The following INTS7 variants were observed in gnomAD, a reference collection of about 807,000 sequenced individuals.
INTS7 encodes chromosome 1 open reading frame 73.
INTS7 carries 46 observed loss-of-function variants against 109.2 expected under a neutral mutation model. The observed-to-expected ratio is 0.42, with a 90% CI of 0.33 to 0.54. The LOEUF is 0.54. Ranked by LOEUF, INTS7 falls within the 20% of genes least tolerant of loss-of-function variation. The pLI is 0.07. For synonymous variants in INTS7, 412 were observed against 402.9 expected (o/e 1.02, Z -0.27); for missense variants, 929 against 1,132.4 (o/e 0.82, Z 2.58).
At chr1:212,031,881 A>C (rs1667181153) in intron 1 of INTS7, among the ~76,000 whole-genome samples, 1 of 152,228 alleles carries the variant, frequency 6.6e-6, no homozygotes, top group African/African-American at 2.4e-5. Context: ...AACAGTTATA[A>C]ATATATAACA....
At chr1:212,003,418 A>G (rs974878811) in intron 7 of INTS7, among the ~76,000 whole-genome samples, 3 of 152,140 alleles carry the variant, frequency 2.0e-5, no homozygotes, top group Admixed American at 2.0e-4. Flanking sequence ...TTCTATCCCA[A>G]GAAAGCATCT....
chr1:212,006,775 A>C lies in INTS7; in HGVS notation c.757-14T>G. ...CAGAAGCTGAATCTATAAAGGAAAT[A>C]AGTCACTCCATAAACAATACTGTAA... On this transcript the variant is annotated splice_polypyrimidine_tract_variant and intron_variant, in intron 6 of 19. Coordinates refer to ENST00000366994, the MANE Select transcript of INTS7 (RefSeq NM_015434.4). The C allele has an allele frequency of 6.3e-7, 1 of 1,591,310 alleles. No individual in the cohort carries two copies. Among genetic ancestry groups the C allele is most frequent in the Non-Finnish European group, 8.6e-7 (1 of 1,165,590 alleles).
At chr1:211,956,596 TCTA>T (rs1663372242) in intron 16 of INTS7, among the ~76,000 whole-genome samples, 1 of 152,228 alleles carries the variant, frequency 6.6e-6, no homozygotes, top group African/African-American at 2.4e-5. Flanking sequence ...CTATTTTATT[TCTA>T]CTATTAGTGA....
intron 16 of INTS7, among the ~76,000 whole-genome samples, chr1:211,954,269 G>T (rs886360831): frequency 4.6e-5 from 7 of 152,022 alleles, no homozygotes; most frequent in Admixed American, 2.6e-4. Context: ...TAAATTTGTT[G>T]GAGTTCATTG....
intron 13 of INTS7, among the ~76,000 whole-genome samples, chr1:211,971,100 G>A (rs747352812): frequency 6.6e-6 from 1 of 152,222 alleles, no homozygotes; most frequent in Non-Finnish European, 1.5e-5. Context: ...CTGCCCTAGA[G>A]AAGGGTGTTT....
At chr1:211,969,863 C>T (rs539243775) in intron 13 of INTS7, among the ~76,000 whole-genome samples, 4 of 151,934 alleles carry the variant, frequency 2.6e-5, no homozygotes, top group Admixed American at 1.3e-4. Context: ...GGACTACAGG[C>T]GCCTGCCACC....
chr1:212,029,875 G>A (rs982459415), intron 1 of INTS7, among the ~76,000 whole-genome samples: 2 of 152,100 alleles, frequency 1.3e-5, no homozygotes, highest in African/African-American at 4.8e-5. Flanking sequence ...AAAAATTGAT[G>A]GCAAAGCCCA....
chr1:212,007,504 C>G, intron 5 of INTS7, 55 bp from the exon 6 acceptor site: 1 of 1,406,192 alleles, frequency 7.1e-7, no homozygotes, highest in Non-Finnish European at 1.0e-6. Flanking sequence ...TAATAATATT[C>G]CAGATTTAAA....
At chr1:212,002,647 G>T (rs1410749490) in intron 7 of INTS7, among the ~76,000 whole-genome samples, 2 of 152,086 alleles carry the variant, frequency 1.3e-5, no homozygotes, top group Non-Finnish European at 2.9e-5. Context: ...CCCTTCTTTA[G>T]GTCTTTGCAC....
intron 7 of INTS7, among the ~76,000 whole-genome samples, chr1:212,003,131 G>C (rs1232723842): frequency 6.6e-6 from 1 of 152,058 alleles, no homozygotes; most frequent in African/African-American, 2.4e-5. Context: ...GAGAAAAAGA[G>C]ACAGCGGCAA....
chr1:211,969,282 C>CA (rs201346613), intron 13 of INTS7, among the ~76,000 whole-genome samples: 4,856 of 128,084 alleles, frequency 0.038, 127 homozygotes, highest in African/African-American at 0.078. Flanking sequence ...GAGACTGTCT[C>CA]AAAAAAAAAA....
At chr1:212,009,606 T>C (rs1187452620) in intron 5 of INTS7, among the ~76,000 whole-genome samples, 1 of 152,224 alleles carries the variant, frequency 6.6e-6, no homozygotes, top group Non-Finnish European at 1.5e-5. Context: ...CTTAGAGGTA[T>C]GGTAAAAGCT....
chr1:211,962,659 A>G (rs1022237308), intron 16 of INTS7, among the ~76,000 whole-genome samples: 5 of 152,222 alleles, frequency 3.3e-5, no homozygotes, highest in Middle Eastern at 6.3e-3. Context: ...AATGAAAAAG[A>G]ATGAAAATAA....
rs1376595345 is a variant in INTS7 at position 211,952,597 on chromosome 1, T to C, written c.2288A>G (p.Asn763Ser). The part of the protein sequence containing the change: ...NHVLEEVESL[N>S]RKYTPVSYMH... ...ATAAGAAACAGGGGTATATTTCCGA[T>C]TGAGTGATTCTACCTCCTCCAAGAC... Residue 763 changes from asparagine (N) to serine (S), a missense_variant, in exon 17 of 20, where the codon AAT becomes AGT. By Grantham distance (46) the Asn-to-Ser change is conservative. Around this residue, in one of 2 missense-constraint regions of INTS7, gnomAD observed 787 missense variants for 901.1 expected, o/e 0.87. Coordinates refer to ENST00000366994, the MANE Select transcript of INTS7 (RefSeq NM_015434.4). 3.7e-6 allele frequency: 6 copies of C among 1,613,176 alleles called. No individual in the cohort carries two copies. The highest frequency in any genetic ancestry group is 2.2e-5 in the East Asian group (1 of 44,798).
At chr1:211,989,127 A>G (rs1340019811) in intron 7 of INTS7, among the ~76,000 whole-genome samples, 2 of 152,234 alleles carry the variant, frequency 1.3e-5, no homozygotes, top group Non-Finnish European at 2.9e-5. Flanking sequence ...CATTTCAGAA[A>G]GGGTTAAAAT....
chr1:211,989,985 G>T (rs1332182129), intron 7 of INTS7, among the ~76,000 whole-genome samples: 1 of 152,082 alleles, frequency 6.6e-6, no homozygotes, highest in Non-Finnish European at 1.5e-5. Flanking sequence ...GATTGACCAA[G>T]GTTAAAGTTT....
intron 4 of INTS7, among the ~76,000 whole-genome samples, chr1:212,014,280 C>T (rs1392091853): frequency 2.0e-5 from 3 of 151,832 alleles, no homozygotes; most frequent in Admixed American, 1.3e-4. Flanking sequence ...GCCTGGCCAA[C>T]GTGCTGAAAC....
At chr1:212,014,941 G>C (rs1452276948) in intron 4 of INTS7, among the ~76,000 whole-genome samples, 2 of 152,194 alleles carry the variant, frequency 1.3e-5, no homozygotes, top group South Asian at 2.1e-4. Context: ...AGTGCAGCCT[G>C]TGCCCGGCCG....
intron 18 of INTS7, among the ~76,000 whole-genome samples, chr1:211,945,907 A>C (rs1031000380): frequency 1.6e-4 from 24 of 152,238 alleles, no homozygotes; most frequent in Non-Finnish European, 7.3e-5. Flanking sequence ...AGTACTTTGG[A>C]AGAAGAACTG....
Sources: gnomAD v4.1 joint callset for allele counts (sites outside exome capture counted in the v4.1 genomes callset) on GRCh38, gnomAD v4.1.1 for gene constraint, gnomAD v4.1.1 regional missense constraint, MANE v1.5 for transcripts, NCBI Gene and HGNC (gene_info 2026-07-23, HGNC 2026-07-21) for gene names.